Variants in CSMD2 observed in about 807,000 individuals in gnomAD.
CSMD2 encodes the protein CUB and sushi domain-containing protein 2.
In CSMD2, 130 loss-of-function variants were observed where a neutral mutation model predicts 398.5. The ratio of observed to expected loss-of-function variants is 0.33; its 90% CI spans 0.28 to 0.38. The LOEUF (loss-of-function observed/expected upper bound fraction) is 0.38, where lower values mean the gene tolerates loss of function less well. Among genes scored for constraint, CSMD2 ranks in the 10% least tolerant of loss-of-function variants. The pLI is 1.00. For missense variants in CSMD2, 3,829 were observed against 4,764.9 expected (o/e 0.80, Z 5.78); for synonymous variants, 1,828 against 1,908.5 (o/e 0.96, Z 1.10).
chr1:33,557,926 C>A lies in CSMD2; in HGVS notation c.8555-4G>T. 3.3e-6 allele frequency: 5 copies of A among 1,530,538 alleles called. No individual in the cohort carries two copies. In the East Asian group the frequency reaches 1.2e-4, roughly 38 times the overall value. 94.8% of individuals were successfully genotyped at this position (1,530,538 alleles called of 1,614,324 possible). On this transcript the variant is annotated splice_region_variant and splice_polypyrimidine_tract_variant and intron_variant, in intron 54 of 70. Transcript: ENST00000373381. The stretch of plus-strand genomic sequence containing the variant: ...CCAGGATCTGTACAGTTGATGACTG[C>A]AATTGAACAGAAGTCCAAACAGGCA...
At chr1:33,603,642 C>T (rs993389164) in intron 42 of CSMD2, among the ~76,000 whole-genome samples, 11 of 152,204 alleles carry the variant, frequency 7.2e-5, no homozygotes, top group African/African-American at 2.7e-4. Context: ...CTAGTTCTGT[C>T]CCAGGCACAC....
At position 33,725,299 on chromosome 1, in the gene CSMD2, C is replaced by G. The variant is rs945945781; in HGVS notation, c.2695+50G>C. The G allele has an allele frequency of 1.9e-6, 3 of 1,539,740 alleles. No homozygotes were observed. In the African/African-American group the frequency reaches 4.1e-5, roughly 21 times the overall value. On this transcript the variant is annotated intron_variant, in intron 17 of 70. Transcript: ENST00000373381. ...GGAGCACAGTCCTGAGGCCTTTGACCCACCTGGGCTGACCTTGTCATCCCT... is the reference window on the plus strand; with the variant it reads ...GGAGCACAGTCCTGAGGCCTTTGACGCACCTGGGCTGACCTTGTCATCCCT...
At chr1:33,583,882 C>T (rs773414041) in intron 46 of CSMD2, 52 bp from the exon 47 acceptor site, 52 of 1,496,386 alleles carry the variant, frequency 3.5e-5, no homozygotes, top group Non-Finnish European at 4.3e-5. Flanking sequence ...GATGGAACTA[C>T]GGCCAATACA....
chr1:34,092,419 T>G (rs1264801343), intron 1 of CSMD2, among the ~76,000 whole-genome samples: 1 of 152,144 alleles, frequency 6.6e-6, no homozygotes, highest in African/African-American at 2.4e-5. Context: ...GATGGCCGAA[T>G]AGGAACAGCT....
At chr1:34,077,389 G>A (rs547938771) in intron 2 of CSMD2, among the ~76,000 whole-genome samples, 4 of 144,806 alleles carry the variant, frequency 2.8e-5, no homozygotes, top group South Asian at 4.5e-4. Flanking sequence ...CCTGGGAGGC[G>A]GAGCTTGCAC....
intron 10 of CSMD2, among the ~76,000 whole-genome samples, chr1:33,801,160 C>T (rs2124922228): frequency 6.6e-6 from 1 of 152,194 alleles, no homozygotes; most frequent in East Asian, 1.9e-4. Context: ...CTTTCCTTTC[C>T]CTCTTCCTTC....
intron 1 of CSMD2, among the ~76,000 whole-genome samples, chr1:34,103,271 A>G (rs138264632): frequency 1.4e-5 from 2 of 146,046 alleles, no homozygotes; most frequent in Admixed American, 1.4e-4. Flanking sequence ...GGCTGTCTCT[A>G]CCAGCAAACT....
chr1:33,658,392 C>G (rs1399035950), intron 26 of CSMD2, among the ~76,000 whole-genome samples: 2 of 152,208 alleles, frequency 1.3e-5, no homozygotes, highest in Non-Finnish European at 2.9e-5. Context: ...AGTACCTTCA[C>G]CATTACTGTC....
At chr1:34,134,805 A>G (rs759405121) in intron 1 of CSMD2, among the ~76,000 whole-genome samples, 1 of 152,248 alleles carries the variant, frequency 6.6e-6, no homozygotes, top group Non-Finnish European at 1.5e-5. Flanking sequence ...AGATACAGAC[A>G]ACTGGGAAAC....
intron 1 of CSMD2, among the ~76,000 whole-genome samples, chr1:34,103,007 G>A (rs1351151758): frequency 1.3e-5 from 2 of 151,966 alleles, no homozygotes. Flanking sequence ...ACCTGAACCT[G>A]GTACATAATA....
At chr1:33,796,607 T>G (rs899248384) in intron 10 of CSMD2, among the ~76,000 whole-genome samples, 1 of 149,338 alleles carries the variant, frequency 6.7e-6, no homozygotes, top group Non-Finnish European at 1.5e-5. Context: ...TTGTGTTAAC[T>G]GTACAAACTG....
intron 43 of CSMD2, among the ~76,000 whole-genome samples, chr1:33,601,328 C>A (rs1640203603): frequency 6.6e-6 from 1 of 152,162 alleles, no homozygotes; most frequent in East Asian, 1.9e-4. Flanking sequence ...CAGTCTGGGG[C>A]AGCACTAGGA....
chr1:34,020,176 G>C (rs1198804916), intron 3 of CSMD2, among the ~76,000 whole-genome samples: 1 of 152,206 alleles, frequency 6.6e-6, no homozygotes, highest in Non-Finnish European at 1.5e-5. Flanking sequence ...TGAGCACAGA[G>C]CTGAATGGAA....
At chr1:33,821,110 C>T (rs1335578489) in intron 7 of CSMD2, among the ~76,000 whole-genome samples, 1 of 152,240 alleles carries the variant, frequency 6.6e-6, no homozygotes, top group Admixed American at 6.5e-5. Flanking sequence ...CTCTTCCCAT[C>T]AGATACTTCT....
At chr1:33,600,844 A>G (rs1451934905) in intron 44 of CSMD2, 21 bp downstream of exon 44, 3 of 1,613,038 alleles carry the variant, frequency 1.9e-6, no homozygotes, top group Non-Finnish European at 2.5e-6. Flanking sequence ...CCTTCCCACC[A>G]GGCCAGGCTT....
intron 37 of CSMD2, among the ~76,000 whole-genome samples, chr1:33,621,159 C>T (rs183398914): frequency 1.2e-4 from 19 of 152,330 alleles, no homozygotes; most frequent in Non-Finnish European, 1.9e-4. Flanking sequence ...TTCCTCTGCA[C>T]TTTCTTAGGT....
In CSMD2 at chr1:33,924,791, G is replaced by C. The variant is rs141658773; in HGVS notation, c.713-6490C>G. Among the ~76,000 whole-genome samples, 278 of 152,298 alleles carry C rather than the reference G, an allele frequency of 1.8e-3. 4 individuals are homozygous for C. The East Asian group carries it at 0.04, about 22-fold the overall frequency. Reference sequence around the variant, plus strand: ...TTGACTTGCACCTCCCTGATGATCAGAGATGTTGAACATTTTTTCATATAC... The same window carrying C: ...TTGACTTGCACCTCCCTGATGATCACAGATGTTGAACATTTTTTCATATAC... On this transcript the variant is annotated intron_variant, in intron 4 of 70. Transcript: ENST00000373381.
At chr1:33,850,887 T>C (rs959761251) in intron 5 of CSMD2, among the ~76,000 whole-genome samples, 5 of 152,178 alleles carry the variant, frequency 3.3e-5, no homozygotes, top group African/African-American at 1.2e-4. Flanking sequence ...TGAGCTCCTC[T>C]GCAGAAAGCT....
intron 1 of CSMD2, among the ~76,000 whole-genome samples, chr1:34,105,133 T>G (rs562272644): frequency 1.3e-5 from 2 of 151,798 alleles, no homozygotes; most frequent in East Asian, 3.9e-4. Flanking sequence ...ATGTGCACTA[T>G]TTTTTTTTAC....
Sources: gnomAD v4.1 joint callset for allele counts (sites outside exome capture counted in the v4.1 genomes callset) on GRCh38, gnomAD v4.1.1 for gene constraint, MANE v1.5 for transcripts, NCBI Gene and HGNC (gene_info 2026-07-23, HGNC 2026-07-21) for gene names.